The following GALNTL6 variants were observed in gnomAD, a reference collection of about 807,000 sequenced individuals.
The protein encoded by GALNTL6 is polypeptide N-acetylgalactosaminyltransferase like 6, also known as polypeptide N-acetylgalactosaminyltransferase-like 6.
GALNTL6 carries 46 observed loss-of-function variants against 73.7 expected under a neutral mutation model. The observed-to-expected ratio is 0.62, with a 90% CI of 0.49 to 0.80. The LOEUF (loss-of-function observed/expected upper bound fraction) is 0.80. Ranked by LOEUF, GALNTL6 falls within the 30% of genes least tolerant of loss-of-function variation. The pLI is 0.00. For missense variants in GALNTL6, 604 were observed against 755.0 expected (o/e 0.80, Z 2.34); for synonymous variants, 259 against 263.7 (o/e 0.98, Z 0.17).
chr4:172,320,278 C>T (rs981584417), intron 4 of GALNTL6, among the ~76,000 whole-genome samples: 3 of 152,076 alleles, frequency 2.0e-5, no homozygotes, highest in African/African-American at 7.2e-5. Flanking sequence ...TCTCAGGCTA[C>T]TGGTCCCCTC....
intron 2 of GALNTL6, among the ~76,000 whole-genome samples, chr4:172,022,275 T>C (rs1162173682): frequency 6.6e-6 from 1 of 152,084 alleles, no homozygotes; most frequent in Non-Finnish European, 1.5e-5. Flanking sequence ...CCATTTCTGA[T>C]AGCATTTCAA....
In GALNTL6 at chr4:171,884,315, G is replaced by T. The variant is rs965987227; in HGVS notation, c.138+69597G>T. ...TTTTTAATAGGAAGAATAAAGAAAA[G>T]TAGTATTTATTACCGACTATGTTTC... On this transcript the variant is annotated intron_variant, in intron 2 of 12. Coordinates refer to ENST00000506823, the MANE Select transcript of GALNTL6 (RefSeq NM_001034845.3). 3.7e-4 allele frequency among the ~76,000 whole-genome samples: 56 copies of T among 152,216 alleles called. 1 individual carries two copies. The highest frequency in any genetic ancestry group is 1.3e-3 in the Admixed American group (20 of 15,284).
In GALNTL6 at chr4:172,001,575, G is replaced by A. The variant is rs80351488; in HGVS notation, c.138+186857G>A. Among the ~76,000 whole-genome samples the A allele has an allele frequency of 6.6e-4, 101 of 152,216 alleles. No individual in the cohort carries two copies. The East Asian group carries it at 0.019, about 28-fold the overall frequency. On this transcript the variant is annotated intron_variant, in intron 2 of 12. Coordinates refer to ENST00000506823, the MANE Select transcript of GALNTL6 (RefSeq NM_001034845.3). ...TGCTTTCTGGGCCAATAAGCTGCTT[G>A]CTTTGATTATTTCCCTAGAGGATAC...
chr4:172,920,503 G>A (rs1468876311), intron 8 of GALNTL6, among the ~76,000 whole-genome samples: 4 of 152,096 alleles, frequency 2.6e-5, no homozygotes, highest in Non-Finnish European at 4.4e-5. Flanking sequence ...TGACTGTCTA[G>A]TCTTAAGAAT....
At chr4:171,907,232 G>A (rs1737313315) in intron 2 of GALNTL6, among the ~76,000 whole-genome samples, 1 of 152,124 alleles carries the variant, frequency 6.6e-6, no homozygotes, top group East Asian at 1.9e-4. Flanking sequence ...ACATGATTGT[G>A]TATCTAGAAA....
chr4:172,698,032 C>A (rs1733796141), intron 5 of GALNTL6, among the ~76,000 whole-genome samples: 1 of 152,090 alleles, frequency 6.6e-6, no homozygotes, highest in South Asian at 2.1e-4. Flanking sequence ...CTGTTCAATC[C>A]TATGTGACAA....
chr4:172,235,883 A>G (rs1737225167), intron 3 of GALNTL6, among the ~76,000 whole-genome samples: 1 of 152,060 alleles, frequency 6.6e-6, no homozygotes, highest in Admixed American at 6.6e-5. Flanking sequence ...GTTAACTCCC[A>G]CTTATAAGTA....
At chr4:172,724,906 C>T (rs998154606) in intron 5 of GALNTL6, among the ~76,000 whole-genome samples, 2 of 152,166 alleles carry the variant, frequency 1.3e-5, no homozygotes, top group Admixed American at 6.5e-5. Flanking sequence ...GGAGCTTGAA[C>T]ATCATCAGGG....
intron 8 of GALNTL6, among the ~76,000 whole-genome samples, chr4:172,886,979 C>G (rs1028138702): frequency 6.6e-6 from 1 of 152,032 alleles, no homozygotes; most frequent in Non-Finnish European, 1.5e-5. Flanking sequence ...CCATTGACCC[C>G]CTACTCCCTA....
In GALNTL6 at chr4:172,210,784, G is replaced by T. The variant is rs188373373; in HGVS notation, c.139-18872G>T. 6.3e-3 allele frequency among the ~76,000 whole-genome samples: 964 copies of T among 152,122 alleles called. 2 individuals carry two copies. The highest frequency in any genetic ancestry group is 0.011 in the Non-Finnish European group (721 of 67,968). On this transcript the variant is annotated intron_variant, in intron 2 of 12. Transcript: ENST00000506823. The stretch of plus-strand genomic sequence containing the variant: ...AAGAGTTACGTTCCACCTAGTTGAG[G>T]GTGGAATATGTACATAATTAATTGG...
chr4:172,540,889 A>T (rs1036489460), intron 5 of GALNTL6, among the ~76,000 whole-genome samples: 4 of 152,152 alleles, frequency 2.6e-5, no homozygotes, highest in African/African-American at 7.2e-5. Context: ...TAAACAGAAA[A>T]TGTCTGTTTT....
At chr4:172,497,367 T>A (rs1401017302) in intron 5 of GALNTL6, among the ~76,000 whole-genome samples, 2 of 152,246 alleles carry the variant, frequency 1.3e-5, no homozygotes, top group Non-Finnish European at 2.9e-5. Context: ...TCTTATAAAA[T>A]GAGGCAAATT....
chr4:172,597,836 T>C (rs1418922219), intron 5 of GALNTL6, among the ~76,000 whole-genome samples: 1 of 152,102 alleles, frequency 6.6e-6, no homozygotes, highest in Non-Finnish European at 1.5e-5. Flanking sequence ...TTATTCACTA[T>C]TGTTCTAAGA....
At chr4:172,789,068 C>T (rs1254566031) in intron 5 of GALNTL6, among the ~76,000 whole-genome samples, 1 of 152,138 alleles carries the variant, frequency 6.6e-6, no homozygotes, top group Non-Finnish European at 1.5e-5. Context: ...AAGTGGTAGA[C>T]GCCAGCTAGA....
At chr4:171,982,367 G>T (rs1183321531) in intron 2 of GALNTL6, among the ~76,000 whole-genome samples, 4 of 152,014 alleles carry the variant, frequency 2.6e-5, no homozygotes, top group Non-Finnish European at 4.4e-5. Flanking sequence ...GCGCGATCTC[G>T]GCCCACTGCA....
At chr4:172,153,649 T>C (rs1203238365) in intron 2 of GALNTL6, among the ~76,000 whole-genome samples, 1 of 152,260 alleles carries the variant, frequency 6.6e-6, no homozygotes. Context: ...CGCTGGTTTG[T>C]CACGGTGCTT....
intron 5 of GALNTL6, among the ~76,000 whole-genome samples, chr4:172,764,411 G>C (rs1738289767): frequency 6.6e-6 from 1 of 151,976 alleles, no homozygotes; most frequent in Non-Finnish European, 1.5e-5. Flanking sequence ...TTTCATGCTA[G>C]AATCTATCTT....
chr4:172,918,329 A>G (rs892391503), intron 8 of GALNTL6, among the ~76,000 whole-genome samples: 6 of 152,178 alleles, frequency 3.9e-5, no homozygotes, highest in African/African-American at 1.4e-4. Flanking sequence ...CGGCACATGT[A>G]TACATATGTA....
intron 2 of GALNTL6, among the ~76,000 whole-genome samples, chr4:172,005,064 G>A (rs1740794940): frequency 6.6e-6 from 1 of 151,830 alleles, no homozygotes; most frequent in Admixed American, 6.6e-5. Flanking sequence ...TAATATTTAA[G>A]GTGGAGTTCT....
Sources: allele counts gnomAD v4.1 joint callset (sites outside exome capture counted in the v4.1 genomes callset), GRCh38; gene constraint gnomAD v4.1.1; transcripts MANE v1.5; gene names NCBI Gene and HGNC (gene_info 2026-07-23, HGNC 2026-07-21).